The following TRPC5 variants were observed in gnomAD, a reference collection of about 807,000 sequenced individuals.
TRPC5 encodes short transient receptor potential channel 5.
A neutral mutation model predicts 56.5 loss-of-function variants in TRPC5; 9 were observed. That is an observed-to-expected ratio of 0.16 (90% CI 0.10 to 0.28). The LOEUF (loss-of-function observed/expected upper bound fraction) is 0.28. Ranked by LOEUF, TRPC5 falls within the 10% of genes least tolerant of loss-of-function variation. TRPC5 has a pLI of 1.00. For missense variants in TRPC5, 469 were observed against 748.9 expected (o/e 0.63, Z 4.36); for synonymous variants, 282 against 278.5 (o/e 1.01, Z -0.13).
chrX:112,041,698 C>A (rs1398642948), intron 1 of TRPC5, among the ~76,000 whole-genome samples: 3 of 111,924 alleles, frequency 2.7e-5, no homozygotes, highest in African/African-American at 6.5e-5. Flanking sequence ...TTTAATTTTT[C>A]ATTTGCAATG....
chrX:111,999,715 C>G (rs1225587808), intron 1 of TRPC5, among the ~76,000 whole-genome samples: 1 of 111,979 alleles, frequency 8.9e-6, no homozygotes, highest in Admixed American at 9.5e-5. Context: ...CCTGTAATCC[C>G]GGTACTTTGG....
chrX:112,008,798 G>A (rs113936100), intron 1 of TRPC5, among the ~76,000 whole-genome samples: 1 of 111,242 alleles, frequency 9.0e-6, no homozygotes, highest in South Asian at 3.8e-4. Flanking sequence ...TAATAACAGT[G>A]CCTGGCACAT....
chrX:111,781,768 G>T (rs1028704627), intron 8 of TRPC5, among the ~76,000 whole-genome samples, 167 bp downstream of exon 8: 1 of 110,882 alleles, frequency 9.0e-6, no homozygotes, highest in African/African-American at 3.3e-5. Context: ...GGTGGCAGAC[G>T]CCTGTAATCC....
At chrX:111,918,733 G>A (rs966727785) in intron 2 of TRPC5, among the ~76,000 whole-genome samples, 5 of 111,660 alleles carry the variant, frequency 4.5e-5, no homozygotes, top group Non-Finnish European at 9.4e-5. Context: ...TGAAAAGACA[G>A]AGTAGGCAAA....
At chrX:111,986,233 C>T (rs749558312) in intron 1 of TRPC5, among the ~76,000 whole-genome samples, 1 of 110,898 alleles carries the variant, frequency 9.0e-6, no homozygotes, top group South Asian at 3.8e-4. Flanking sequence ...ACAGTATTTT[C>T]TAACTCCATA....
At chrX:112,022,700 C>T (rs758664332) in intron 1 of TRPC5, among the ~76,000 whole-genome samples, 5 of 111,896 alleles carry the variant, frequency 4.5e-5, no homozygotes, top group African/African-American at 6.5e-5. Context: ...AAAGAAAATT[C>T]GACTGGTAAT....
intron 3 of TRPC5, among the ~76,000 whole-genome samples, chrX:111,888,502 G>A (rs1329416147): frequency 3.2e-5 from 3 of 92,997 alleles, no homozygotes; most frequent in East Asian, 3.2e-4. Flanking sequence ...GTGAAACCCC[G>A]TCTCTACCAA....
At chrX:111,905,718 T>G (rs1319473490) in intron 3 of TRPC5, among the ~76,000 whole-genome samples, 6 of 108,628 alleles carry the variant, frequency 5.5e-5, no homozygotes, top group Non-Finnish European at 1.1e-4. Context: ...ATGGAGACCA[T>G]CCTGGCTAAC....
chrX:111,827,172 C>T (rs761844801), intron 7 of TRPC5, among the ~76,000 whole-genome samples: 234 of 111,697 alleles, frequency 2.1e-3, no homozygotes, highest in Admixed American at 9.5e-4. Flanking sequence ...ATCCCTCTGG[C>T]TGTTCTTTCT....
intron 7 of TRPC5, among the ~76,000 whole-genome samples, chrX:111,815,907 A>G (rs1569525736): frequency 9.0e-6 from 1 of 111,349 alleles, no homozygotes; most frequent in African/African-American, 3.3e-5. Context: ...TTATTAGGCC[A>G]TGTAGCAAAA....
At chrX:111,796,701 C>T (rs1404236363) in intron 7 of TRPC5, among the ~76,000 whole-genome samples, 2 of 111,563 alleles carry the variant, frequency 1.8e-5, no homozygotes, top group African/African-American at 6.5e-5. Flanking sequence ...GTTTAAAACT[C>T]TGCCTTGGCC....
intron 1 of TRPC5, among the ~76,000 whole-genome samples, chrX:111,989,099 GCATATCCTATACC>G (rs1167875808): frequency 1.8e-5 from 2 of 111,605 alleles, no homozygotes; most frequent in Non-Finnish European, 3.8e-5. Context: ...GTACCTGGAT[GCATATCCTATACC>G]CATTTTCCAT....
intron 1 of TRPC5, among the ~76,000 whole-genome samples, chrX:112,045,143 G>A (rs1222899455): frequency 8.9e-6 from 1 of 112,078 alleles, no homozygotes; most frequent in African/African-American, 3.2e-5. Flanking sequence ...GTGGGGGAAG[G>A]TCTTTACAGG....
At chrX:111,835,585 G>A (rs1355933991) in intron 6 of TRPC5, among the ~76,000 whole-genome samples, 2 of 111,423 alleles carry the variant, frequency 1.8e-5, no homozygotes, top group Non-Finnish European at 3.8e-5. Context: ...TCAGGAGATC[G>A]AGACCATCCT....
chrX:111,977,930 C>T lies in TRPC5; in HGVS notation c.-21-25489G>A, dbSNP rs1927974558. On this transcript the variant is annotated intron_variant, in intron 1 of 10. Coordinates refer to ENST00000262839, the MANE Select transcript of TRPC5 (RefSeq NM_012471.3). ...AACCCCAGTAAGATACCACCTCACA[C>T]CTGTTAAGATGGCTATTACAAAAAA... Among the ~76,000 whole-genome samples the T allele has an allele frequency of 2.7e-5, 3 of 111,215 alleles. 1 individual carries two copies. In the Admixed American group the frequency reaches 2.9e-4, roughly 11 times the overall value.
At chrX:111,904,644 G>A (rs1925523559) in intron 3 of TRPC5, among the ~76,000 whole-genome samples, 1 of 110,854 alleles carries the variant, frequency 9.0e-6, no homozygotes, top group Admixed American at 9.7e-5. Flanking sequence ...GGGCTGGGGT[G>A]GGGAGAGAGA....
chrX:111,818,792 C>T (rs1025032582), intron 7 of TRPC5, among the ~76,000 whole-genome samples: 4 of 109,117 alleles, frequency 3.7e-5, no homozygotes, highest in African/African-American at 1.0e-4. Flanking sequence ...TTAGTAGAGG[C>T]GGGGTTTCTC....
intron 1 of TRPC5, among the ~76,000 whole-genome samples, chrX:112,071,567 T>C (rs1930721185): frequency 8.9e-6 from 1 of 111,796 alleles, no homozygotes; most frequent in Non-Finnish European, 1.9e-5. Context: ...TTGTGCCATA[T>C]GCTCTCTGTT....
intron 3 of TRPC5, among the ~76,000 whole-genome samples, chrX:111,881,194 T>TA (rs1264870350): frequency 1.8e-5 from 2 of 109,863 alleles, no homozygotes; most frequent in East Asian, 2.8e-4. Flanking sequence ...TATTTTATTT[T>TA]TGAGACAGAA....
Sources: gnomAD v4.1 joint callset for allele counts (sites outside exome capture counted in the v4.1 genomes callset) on GRCh38, gnomAD v4.1.1 for gene constraint, MANE v1.5 for transcripts, NCBI Gene and HGNC (gene_info 2026-07-23, HGNC 2026-07-21) for gene names.